The following SKA3 variants were observed in gnomAD, a reference collection of about 807,000 sequenced individuals.
SKA3 encodes spindle and kinetochore-associated protein 3.
In SKA3, 39 loss-of-function variants were observed where a neutral mutation model predicts 44.2. The observed-to-expected ratio is 0.88, with a 90% CI of 0.68 to 1.15. SKA3 has a LOEUF of 1.15. Among genes scored for constraint, SKA3 ranks in the 50% most tolerant of loss-of-function variants. The pLI, the probability that SKA3 is intolerant of heterozygous loss-of-function variation, is 0.00. For missense variants in SKA3, 511 were observed against 485.8 expected, an observed-to-expected ratio of 1.05 and a Z score of -0.49; for synonymous variants, 192 against 172.0, an observed-to-expected ratio of 1.12 and a Z score of -0.91.
In SKA3 at chr13:21,168,060, C is replaced by G; in HGVS notation, c.671G>C (p.Gly224Ala). 6.2e-7 allele frequency: 1 copy of G among 1,613,626 alleles called. No individual in the cohort carries two copies. The highest frequency in any genetic ancestry group is 8.5e-7 in the Non-Finnish European group (1 of 1,179,786). Residue 224 changes from glycine (G) to alanine (A), a missense_variant, in exon 4 of 9, where the codon GGT becomes GCT. Coordinates refer to ENST00000314759, the MANE Select transcript of SKA3 (RefSeq NM_145061.6). ...TAAACACATAGTATATTCAGAGATA[C>G]CAAAGTGTTCTAATTTAGGAGTTAC... ...ECVTPKLEHFGISEYTMCLNE... is the reference protein window; with the variant it reads ...ECVTPKLEHFAISEYTMCLNE...
At chr13:21,161,252 A>G (rs1367350220) in intron 5 of SKA3, among the ~76,000 whole-genome samples, 1 of 152,234 alleles carries the variant, frequency 6.6e-6, no homozygotes, top group Admixed American at 6.5e-5. Context: ...TCTGGGCAAC[A>G]GAGTGAGACC....
At chr13:21,166,586 T>G (rs1669232764) in intron 4 of SKA3, among the ~76,000 whole-genome samples, 1 of 152,134 alleles carries the variant, frequency 6.6e-6, no homozygotes, top group Admixed American at 6.6e-5. Flanking sequence ...ATACAAAAAT[T>G]AGCCAAATGT....
At chr13:21,166,978 T>C (rs1294333520) in intron 4 of SKA3, among the ~76,000 whole-genome samples, 1 of 152,362 alleles carries the variant, frequency 6.6e-6, no homozygotes. Context: ...TATTTATCTA[T>C]AGACATTGCT....
At chr13:21,167,869 T>C (rs748371940) in intron 4 of SKA3, 119 bp downstream of exon 4, 12 of 710,822 alleles carry the variant, frequency 1.7e-5, no homozygotes, top group Non-Finnish European at 2.4e-5. Flanking sequence ...TAAATAAATA[T>C]CTGAAAACTT....
rs186193251 is a variant in SKA3 at position 21,164,724 on chromosome 13, C to T, written c.744-2849G>A. Among the ~76,000 whole-genome samples, 36 of 152,040 alleles carry T rather than the reference C, an allele frequency of 2.4e-4. No homozygotes were observed. In the East Asian group the frequency reaches 6.4e-3, roughly 27 times the overall value. ...TGGTTTATTTTTTGCCCTTTATATG[C>T]TTCATGTTCCAGTCTATTTATTTTA... On this transcript the variant is annotated intron_variant, in intron 4 of 8. Coordinates refer to ENST00000314759, the MANE Select transcript of SKA3 (RefSeq NM_145061.6).
Position 21,159,906 on chromosome 13 carries a change from G to C in SKA3, c.911C>G (p.Ala304Gly), listed in dbSNP as rs766578050. ...TTCAATTTTATGGAAAGTTACCAAAGCTATGCTGTTCTTTGTAGATGGAAT... is the reference window on the plus strand; with the variant it reads ...TTCAATTTTATGGAAAGTTACCAAACCTATGCTGTTCTTTGTAGATGGAAT... The part of the protein sequence containing the change: ...LKIPSTKNSI[A>G]LVSTNYPLSK... Residue 304 changes from alanine to glycine, a missense_variant, in exon 6 of 9, where the codon GCT becomes GGT. Ala to Gly is a moderately conservative substitution (Grantham distance 60). Transcript: ENST00000314759. 8 of 1,603,546 alleles carry C rather than the reference G, an allele frequency of 5.0e-6. No individual in the cohort carries two copies. Among genetic ancestry groups the C allele is most frequent in the African/African-American group, 1.4e-5 (1 of 73,978 alleles).
At chr13:21,175,134 C>T (rs1235998412) in intron 1 of SKA3, among the ~76,000 whole-genome samples, 5 of 151,406 alleles carry the variant, frequency 3.3e-5, no homozygotes, top group Non-Finnish European at 7.4e-5. Flanking sequence ...CACTACTATG[C>T]CCAGCTAATT....
intron 4 of SKA3, among the ~76,000 whole-genome samples, chr13:21,165,013 A>G (rs994512373): frequency 2.0e-5 from 3 of 152,126 alleles, no homozygotes; most frequent in Admixed American, 2.0e-4. Flanking sequence ...GTTTAAACAG[A>G]TAACTTATCT....
chr13:21,176,540 C>T lies in SKA3; in HGVS notation c.-63G>A, dbSNP rs1389758270. 1 of 985,316 alleles carries T rather than the reference C, an allele frequency of 1.0e-6. No individual in the cohort carries two copies. Among genetic ancestry groups the T allele is most frequent in the Non-Finnish European group, 1.3e-6 (1 of 748,092 alleles). 61.0% of individuals were successfully genotyped at this position (985,316 alleles called of 1,614,324 possible). On this transcript the variant is annotated 5_prime_UTR_variant, in exon 1 of 9. Transcript: ENST00000314759. ...ACCCCACCGCTCAGCTCACAGCCTC[C>T]CGCCACTAGTTTGAATCTCGGCGCC...
Position 21,175,138 on chromosome 13 carries a change from G to T in SKA3, c.103+1237C>A, listed in dbSNP as rs941138385. ...TTACAGGCGCCCACTACTATGCCCA[G>T]CTAATTGTTTTGTATTTTTAGTAGA... is the stretch of plus-strand genomic sequence containing the variant. On this transcript the variant is annotated intron_variant, in intron 1 of 8. Transcript: ENST00000314759. Among the ~76,000 whole-genome samples the T allele has an allele frequency of 5.3e-5, 8 of 151,580 alleles. 1 individual carries two copies. The highest frequency in any genetic ancestry group is 2.0e-4 in the African/African-American group (8 of 40,962).
At chr13:21,162,099 T>C (rs534088106) in intron 4 of SKA3, among the ~76,000 whole-genome samples, 56 of 152,326 alleles carry the variant, frequency 3.7e-4, no homozygotes, top group East Asian at 3.5e-3. Context: ...AAGGGAACTA[T>C]GTAACTCCTG....
intron 8 of SKA3, 53 bp downstream of exon 8, chr13:21,155,640 A>T: frequency 1.1e-6 from 1 of 920,012 alleles, no homozygotes. Context: ...TTAATTTTTA[A>T]ATGTCCTCCT....
At chr13:21,159,367 T>A (rs1870307999) in intron 6 of SKA3, among the ~76,000 whole-genome samples, 1 of 152,172 alleles carries the variant, frequency 6.6e-6, no homozygotes, top group Non-Finnish European at 1.5e-5. Flanking sequence ...AAATCACCCA[T>A]AATTTATCAC....
At chr13:21,165,228 A>G (rs1404632189) in intron 4 of SKA3, among the ~76,000 whole-genome samples, 1 of 151,468 alleles carries the variant, frequency 6.6e-6, no homozygotes, top group Admixed American at 6.6e-5. Context: ...TGGGTAACAC[A>G]GTGAGACCCT....
At position 21,155,757 on chromosome 13, in the gene SKA3, G is replaced by T. The variant is rs758374850; in HGVS notation, c.1174C>A (p.Pro392Thr). The T allele has an allele frequency of 4.0e-5, 64 of 1,611,442 alleles. No individual in the cohort carries two copies. Among genetic ancestry groups the T allele is most frequent in the Middle Eastern group, 1.6e-4 (1 of 6,080 alleles). Residue 392 changes from proline to threonine, a missense_variant, in exon 8 of 9, where the codon CCA becomes ACA. Coordinates refer to ENST00000314759, the MANE Select transcript of SKA3 (RefSeq NM_145061.6). ...LATPIAIKAV[P>T]PSKRFLKHGQ... is the part of the protein sequence containing the mutation. ...TGTTTAAGGAACCTTTTACTGGGTG[G>T]CACTGCTTTAATTGCTATTGGAGTA...
intron 3 of SKA3, among the ~76,000 whole-genome samples, chr13:21,170,909 T>TTGTATGTA (rs74392336): frequency 0.41 from 61,371 of 150,470 alleles, 14,203 homozygotes; most frequent in East Asian, 0.7. Flanking sequence ...TATGGGTTGT[T>TTGTATGTA]TGTATGTATG....
intron 6 of SKA3, 73 bp downstream of exon 6, chr13:21,159,827 CTT>C (rs1870332113): frequency 5.3e-6 from 6 of 1,132,984 alleles, no homozygotes; most frequent in Non-Finnish European, 6.3e-6. Flanking sequence ...TAAACAGACT[CTT>C]TGAGCCTGCA....
chr13:21,162,938 C>T (rs9552376), intron 4 of SKA3, among the ~76,000 whole-genome samples: 23,178 of 151,954 alleles, frequency 0.15, 1,855 homozygotes, highest in South Asian at 0.26. Context: ...GCCTCAGCTA[C>T]GCAGCAGGCT....
chr13:21,172,389 C>G lies in SKA3; in HGVS notation c.281G>C (p.Arg94Thr), dbSNP rs745422360. 18 of 1,587,162 alleles carry G rather than the reference C, an allele frequency of 1.1e-5. No individual in the cohort carries two copies. The South Asian group carries it at 2.1e-4, about 18-fold the overall frequency. Residue 94 changes from arginine to threonine, a missense_variant, in exon 3 of 9, where the codon AGA becomes ACA. By Grantham distance (71) the Arg-to-Thr change is moderately conservative. Coordinates refer to ENST00000314759, the MANE Select transcript of SKA3 (RefSeq NM_145061.6). ...ATATCCATACTTCTGGAAATACTCT[C>G]TTATTTTCATAATATCCATTGAATT... ...EKNSMDIMKIREYFQKYGYSP... is the reference protein window; with the variant it reads ...EKNSMDIMKITEYFQKYGYSP...
Sources: gnomAD v4.1 joint callset for allele counts (sites outside exome capture counted in the v4.1 genomes callset) on GRCh38, gnomAD v4.1.1 for gene constraint, MANE v1.5 for transcripts, NCBI Gene and HGNC (gene_info 2026-07-23, HGNC 2026-07-21) for gene names.